LAMB1: variants seen among roughly 807,000 people sequenced by gnomAD.
LAMB1 encodes the protein laminin subunit beta-1.
Under a neutral mutation model 222.3 loss-of-function variants are expected in LAMB1, and 121 were observed. The ratio of observed to expected loss-of-function variants is 0.54; its 90% CI spans 0.47 to 0.63. LAMB1 has a LOEUF of 0.63. Ranked by LOEUF, LAMB1 falls within the 30% of genes least tolerant of loss-of-function variation. LAMB1 has a pLI of 0.00. For synonymous variants in LAMB1, 794 were observed against 807.2 expected (o/e 0.98, Z 0.28); for missense variants, 2,172 against 2,240.8 (o/e 0.97, Z 0.62).
intron 29 of LAMB1, among the ~76,000 whole-genome samples, chr7:107,930,410 TTAGCAA>T (rs1453881602): frequency 6.6e-6 from 1 of 152,236 alleles, no homozygotes; most frequent in Non-Finnish European, 1.5e-5. Context: ...TAAGATATCC[TTAGCAA>T]ATACTGTTGA....
In LAMB1 at chr7:107,935,420, C is replaced by T. The variant is rs146045042; in HGVS notation, c.4183G>A (p.Glu1395Lys). The stretch of plus-strand genomic sequence containing the variant: ...GCCACATCCCCAAACCTTACCATTT[C>T]GGCAGCGGCTGAAAGGTCTAGGCTT... ...LQSLDLSAAAEMTCGTPPGAS... is the reference protein window; with the variant it reads ...LQSLDLSAAAKMTCGTPPGAS... The change falls in exon 27 of 34, where the codon GAA becomes AAA. Residue 1395 changes from glutamate to lysine, a missense_variant. Glu to Lys is a moderately conservative substitution (Grantham distance 56). Coordinates refer to ENST00000222399, the MANE Select transcript of LAMB1 (RefSeq NM_002291.3). 439 of 1,470,472 alleles carry T rather than the reference C, an allele frequency of 3.0e-4. 1 individual carries two copies. The highest frequency in any genetic ancestry group is 3.7e-4 in the Non-Finnish European group (410 of 1,102,206). 91.1% of individuals were successfully genotyped at this position (1,470,472 alleles called of 1,614,324 possible). A position where few individuals can be genotyped will look rare whatever the true frequency, so the allele number is the denominator to read the frequency against.
At chr7:107,979,343 TACCTTCTAAGG>T (rs2033928834) in intron 8 of LAMB1, among the ~76,000 whole-genome samples, 1 of 152,210 alleles carries the variant, frequency 6.6e-6, no homozygotes, top group Admixed American at 6.5e-5. Context: ...CTCAATCCTG[TACCTTCTAAGG>T]ACTAACAATC....
At position 107,952,308 on chromosome 7, in the gene LAMB1, G is replaced by A. The variant is rs1363077889; in HGVS notation, c.3080-85C>T. On this transcript the variant is annotated intron_variant, in intron 22 of 33. Transcript: ENST00000222399. ...GTTAGCCACATCTAAATGCTAAGATGTTCCCACTTCACATCTTGACCTTGA... is the reference window on the plus strand; with the variant it reads ...GTTAGCCACATCTAAATGCTAAGATATTCCCACTTCACATCTTGACCTTGA... 3.0e-6 allele frequency: 3 copies of A among 987,884 alleles called. No individual in the cohort carries two copies. In the East Asian group the frequency reaches 7.8e-5, roughly 26 times the overall value. 61.2% of individuals were successfully genotyped at this position (987,884 alleles called of 1,614,324 possible).
chr7:107,927,321 T>C (rs1038496553), intron 31 of LAMB1, among the ~76,000 whole-genome samples: 7 of 152,252 alleles, frequency 4.6e-5, no homozygotes, highest in Non-Finnish European at 8.8e-5. Context: ...TTTCTTATTG[T>C]TACTAACCTA....
chr7:107,969,532 G>A (rs1034052416), intron 13 of LAMB1, among the ~76,000 whole-genome samples: 5 of 152,136 alleles, frequency 3.3e-5, no homozygotes, highest in Non-Finnish European at 7.4e-5. Flanking sequence ...TTTCTTTTTG[G>A]TAAGACCTAC....
At chr7:107,954,332 T>A (rs879675128) in intron 21 of LAMB1, among the ~76,000 whole-genome samples, 4,746 of 79,278 alleles carry the variant, frequency 0.06, 77 homozygotes, top group Non-Finnish European at 0.095. Flanking sequence ...TTTTGTAAAA[T>A]TTTTTTTTTT....
chr7:107,945,151 T>A (rs927707786), intron 24 of LAMB1, among the ~76,000 whole-genome samples: 2 of 152,238 alleles, frequency 1.3e-5, no homozygotes, highest in African/African-American at 2.4e-5. Context: ...GTAAACACAC[T>A]CTCTGTTCTG....
At chr7:107,938,842 C>T (rs989828900) in intron 25 of LAMB1, among the ~76,000 whole-genome samples, 2 of 152,168 alleles carry the variant, frequency 1.3e-5, no homozygotes, top group Non-Finnish European at 2.9e-5. Context: ...TGGTCTTGGG[C>T]ATAAAACCCA....
rs776690620 is a variant in LAMB1 at position 107,988,574 on chromosome 7, ACT to A, written c.424-2213_424-2212del. Reference sequence around the variant, plus strand: ...ACCCCTCATTACATTCTTTACTTTAACTCTCTATAATTTGGGCTGATTTGTGT... The same window carrying A: ...ACCCCTCATTACATTCTTTACTTTAACTCTATAATTTGGGCTGATTTGTGT... On this transcript the variant is annotated intron_variant, in intron 5 of 33. Transcript: ENST00000222399. 1.3e-4 allele frequency among the ~76,000 whole-genome samples: 20 copies of A among 152,238 alleles called. No individual in the cohort carries two copies. In the East Asian group the frequency reaches 3.7e-3, roughly 28 times the overall value.
Position 107,961,257 on chromosome 7 carries a change from C to T in LAMB1, c.2058G>A (p.Gln686=), listed in dbSNP as rs750618381. Residue 686 remains glutamine (Q), a synonymous_variant, in exon 17 of 34, where the codon CAG becomes CAA. Coordinates refer to ENST00000222399, the MANE Select transcript of LAMB1 (RefSeq NM_002291.3). The part of the protein sequence containing the change: ...TNYTVRLELP[Q]YTSSDSDVES... ...CCACGTCGCTATCAGAGGAGGTGTACTGAGGCAGCTCCAACCTCACCGTGT... is the reference window on the plus strand; with the variant it reads ...CCACGTCGCTATCAGAGGAGGTGTATTGAGGCAGCTCCAACCTCACCGTGT... 1.9e-6 allele frequency: 3 copies of T among 1,614,064 alleles called. No homozygotes were observed. Among genetic ancestry groups the T allele is most frequent in the Non-Finnish European group, 2.5e-6 (3 of 1,179,982 alleles).
At chr7:108,001,921 G>A in intron 2 of LAMB1, 188 bp from the exon 3 acceptor site, 2 of 1,459,732 alleles carry the variant, frequency 1.4e-6, no homozygotes, top group South Asian at 1.4e-5. Flanking sequence ...GACTCCGAAA[G>A]GAGAAGGACA....
In LAMB1 at chr7:107,960,588, C is replaced by G. The variant is rs1055632997; in HGVS notation, c.2171G>C (p.Gly724Ala). The change falls in exon 18 of 34, where the codon GGG becomes GCG. Residue 724 changes from glycine to alanine, a missense_variant. Physicochemically the swap from Gly to Ala is moderately conservative, Grantham distance 60. Coordinates refer to ENST00000222399, the MANE Select transcript of LAMB1 (RefSeq NM_002291.3). ...TTCCCAGGCACTGTTGGTGACCACC[C>G]CATCTCCTGAACCTCCCACGGTGAA... ...DIFTVGGSGD[G>A]VVTNSAWETF... The G allele has an allele frequency of 4.3e-6, 7 of 1,614,100 alleles. No homozygotes were observed. The African/African-American group carries it at 5.3e-5, about 12-fold the overall frequency.
rs201066617 is a variant in LAMB1, at chr7:107,975,799, C to T, written c.1079G>A (p.Gly360Asp). The change falls in exon 10 of 34, where the codon GGC (glycine) becomes GAC (aspartate). Residue 360 changes from glycine to aspartate, a missense_variant. Transcript: ENST00000222399. ...VYLATGNVSG[G>D]VCDDCQHNTM... Reference sequence around the variant, plus strand: ...GTTGTGCTGACAGTCATCACACACGCCTCCGCTGACGTTCCCCGTGGCCAG... The same window carrying T: ...GTTGTGCTGACAGTCATCACACACGTCTCCGCTGACGTTCCCCGTGGCCAG... 1 of 1,613,998 alleles carries T rather than the reference C, an allele frequency of 6.2e-7. No homozygotes were observed. Among genetic ancestry groups the T allele is most frequent in the Non-Finnish European group, 8.5e-7 (1 of 1,179,976 alleles).
At chr7:107,928,950 G>T in intron 31 of LAMB1, 114 bp downstream of exon 31, 2 of 1,008,322 alleles carry the variant, frequency 2.0e-6, no homozygotes, top group Non-Finnish European at 3.0e-6. Context: ...ATTTATTAAA[G>T]GAATCCTTTA....
Position 107,986,348 on chromosome 7 carries a change from C to T in LAMB1, c.439G>A (p.Ala147Thr). ...TCGGACGATCGTTCTATCAGCATAG[C>T]AGCTGGACGGAATGTCTAAAGGCAG... ...IMTFKTFRPA[A>T]MLIERSSDFG... Residue 147 changes from alanine (A) to threonine (T), a missense_variant, in exon 6 of 34, where the codon GCT (alanine) becomes ACT (threonine). Transcript: ENST00000222399. 1.9e-6 allele frequency: 3 copies of T among 1,594,754 alleles called. No individual in the cohort carries two copies. The highest frequency in any genetic ancestry group is 2.6e-6 in the Non-Finnish European group (3 of 1,166,508).
intron 20 of LAMB1, 132 bp from the exon 21 acceptor site, chr7:107,955,762 T>C: frequency 1.3e-6 from 1 of 799,898 alleles, no homozygotes; most frequent in Non-Finnish European, 1.8e-6. Flanking sequence ...AGACAGAATC[T>C]TGCTCTGTCA....
intron 25 of LAMB1, among the ~76,000 whole-genome samples, chr7:107,939,647 T>G (rs182693911): frequency 1.3e-5 from 2 of 152,300 alleles, no homozygotes; most frequent in Non-Finnish European, 2.9e-5. Context: ...TTCACAAGCC[T>G]AGCATCAGAG....
rs747176258 is a variant in LAMB1, at chr7:107,961,622, G to T, written c.1912C>A (p.Pro638Thr). 24 of 1,614,090 alleles carry T rather than the reference G, an allele frequency of 1.5e-5. No homozygotes were observed. The highest frequency in any genetic ancestry group is 2.0e-5 in the Non-Finnish European group (24 of 1,179,982). The change falls in exon 16 of 34, where the codon CCA (proline) becomes ACA (threonine). Residue 638 changes from proline to threonine, a missense_variant. Coordinates refer to ENST00000222399, the MANE Select transcript of LAMB1 (RefSeq NM_002291.3). ...GTATTACCACATCGGCTGCTGGTTG[G>T]AATCCTTCCAGGTCGCTGCACTGTG... The part of the protein sequence containing the change: ...VITVQRPGRI[P>T]TSSRCGNTIP...
rs2033490486 is a variant in LAMB1 at position 107,961,192 on chromosome 7, A to T, written c.2109+14T>A. ...AGGCTTTCCTGCATATGCCAGAAGC[A>T]ATCTCGCACTTACAGAATCGATCAG... On this transcript the variant is annotated intron_variant, in intron 17 of 33. Coordinates refer to ENST00000222399, the MANE Select transcript of LAMB1 (RefSeq NM_002291.3). 4 of 1,613,916 alleles carry T rather than the reference A, an allele frequency of 2.5e-6. No homozygotes were observed. Among genetic ancestry groups the T allele is most frequent in the Middle Eastern group, 3.3e-4 (2 of 6,062 alleles).
Sources: gnomAD v4.1 joint callset for allele counts (sites outside exome capture counted in the v4.1 genomes callset) on GRCh38, gnomAD v4.1.1 for gene constraint, MANE v1.5 for transcripts, NCBI Gene and HGNC (gene_info 2026-07-23, HGNC 2026-07-21) for gene names.